Variants in CTNNA2 observed in about 807,000 individuals in gnomAD.
CTNNA2 encodes the protein catenin alpha 2.
A neutral mutation model predicts 101.0 loss-of-function variants in CTNNA2; 42 were observed. The observed-to-expected ratio is 0.42, with a 90% CI of 0.32 to 0.54. CTNNA2 has a LOEUF of 0.54. Ranked by LOEUF, CTNNA2 falls within the 20% of genes least tolerant of loss-of-function variation. CTNNA2 has a pLI of 0.14. For missense variants in CTNNA2, 871 were observed against 1,223.1 expected, an observed-to-expected ratio of 0.71 and a Z score of 4.29; for synonymous variants, 450 against 456.4, an observed-to-expected ratio of 0.99 and a Z score of 0.18.
intron 2 of CTNNA2, among the ~76,000 whole-genome samples, chr2:79,710,362 C>T (rs1685661433): frequency 6.6e-6 from 1 of 152,158 alleles, no homozygotes; most frequent in Non-Finnish European, 1.5e-5. Context: ...TATGCTTACA[C>T]TGAATTAGTG....
At chr2:80,282,987 A>C (rs1674502036) in intron 7 of CTNNA2, among the ~76,000 whole-genome samples, 1 of 152,166 alleles carries the variant, frequency 6.6e-6, no homozygotes, top group Non-Finnish European at 1.5e-5. Flanking sequence ...AAGGAATGAC[A>C]AGTTGCAATT....
intron 1 of CTNNA2, among the ~76,000 whole-genome samples, chr2:79,644,777 C>A (rs931883709): frequency 6.6e-6 from 1 of 152,150 alleles, no homozygotes; most frequent in Non-Finnish European, 1.5e-5. Context: ...TCCTTTATAT[C>A]TCTCTCTTGC....
At position 79,860,905 on chromosome 2, in the gene CTNNA2, C is replaced by T. The variant is rs138779662; in HGVS notation, c.465+2726C>T. Among the ~76,000 whole-genome samples, 493 of 152,294 alleles carry T rather than the reference C, an allele frequency of 3.2e-3. 4 individuals are homozygous for T. Among genetic ancestry groups the T allele is most frequent in the African/African-American group, 0.011 (467 of 41,552 alleles). On this transcript the variant is annotated intron_variant, in intron 4 of 18. Coordinates refer to ENST00000402739, the MANE Select transcript of CTNNA2 (RefSeq NM_001282597.3). ...TCTTTTGCGCAGAAGCATATCTTCTCAGGACGGATAAAGTAACGTATTGTC... is the reference window on the plus strand; with the variant it reads ...TCTTTTGCGCAGAAGCATATCTTCTTAGGACGGATAAAGTAACGTATTGTC...
At chr2:80,057,845 A>G (rs1697328110) in intron 7 of CTNNA2, among the ~76,000 whole-genome samples, 1 of 152,234 alleles carries the variant, frequency 6.6e-6, no homozygotes, top group Admixed American at 6.5e-5. Context: ...GCAACAAGCC[A>G]CAAAATGGAA....
At chr2:80,348,153 A>G (rs1573795678) in intron 7 of CTNNA2, among the ~76,000 whole-genome samples, 1 of 152,294 alleles carries the variant, frequency 6.6e-6, no homozygotes, top group South Asian at 2.1e-4. Context: ...CTGGCATTCT[A>G]CCAGCCACAA....
chr2:80,196,670 G>A (rs1359876128), intron 7 of CTNNA2, among the ~76,000 whole-genome samples: 1 of 152,130 alleles, frequency 6.6e-6, no homozygotes, highest in Non-Finnish European at 1.5e-5. Flanking sequence ...AATGGCCAAT[G>A]ATTACTTCTT....
At chr2:79,661,857 T>C (rs57475482) in intron 2 of CTNNA2, among the ~76,000 whole-genome samples, 5,413 of 151,704 alleles carry the variant, frequency 0.036, 317 homozygotes, top group African/African-American at 0.12. Flanking sequence ...TCTTACAGAT[T>C]AAAAAAAAGA....
intron 7 of CTNNA2, among the ~76,000 whole-genome samples, chr2:79,931,108 C>A (rs923722332): frequency 6.6e-6 from 1 of 152,084 alleles, no homozygotes; most frequent in Non-Finnish European, 1.5e-5. Context: ...CTTCAGTATG[C>A]AGAATTTCAA....
chr2:79,989,913 C>T (rs1325450615), intron 7 of CTNNA2, among the ~76,000 whole-genome samples: 1 of 152,136 alleles, frequency 6.6e-6, no homozygotes, highest in East Asian at 1.9e-4. Context: ...TCTGCCTTTG[C>T]TGAAATATAA....
At chr2:79,455,563 C>T (rs1670812746) in intron 4 of CTNNA2, among the ~76,000 whole-genome samples, 1 of 152,120 alleles carries the variant, frequency 6.6e-6, no homozygotes, top group Non-Finnish European at 1.5e-5. Flanking sequence ...ACTCCACTCT[C>T]CCTTGTTGTT....
chr2:80,489,806 T>C (rs1283925103), intron 9 of CTNNA2, among the ~76,000 whole-genome samples: 1 of 152,192 alleles, frequency 6.6e-6, no homozygotes, highest in Non-Finnish European at 1.5e-5. Flanking sequence ...GACATGCTGA[T>C]TGTGGAAAGA....
intron 5 of CTNNA2, among the ~76,000 whole-genome samples, chr2:79,872,989 A>G (rs1682707391): frequency 6.6e-6 from 1 of 152,218 alleles, no homozygotes; most frequent in Non-Finnish European, 1.5e-5. Flanking sequence ...CCCTAGTGGT[A>G]TTATTTTGTC....
At chr2:80,403,740 G>T (rs1010478821) in intron 8 of CTNNA2, among the ~76,000 whole-genome samples, 1 of 152,104 alleles carries the variant, frequency 6.6e-6, no homozygotes, top group Non-Finnish European at 1.5e-5. Flanking sequence ...TTGGCTGTGG[G>T]TTTGTCATAA....
chr2:79,686,098 C>G (rs971476655), intron 2 of CTNNA2, among the ~76,000 whole-genome samples: 4 of 152,062 alleles, frequency 2.6e-5, no homozygotes, highest in African/African-American at 9.6e-5. Flanking sequence ...TAAGGCTGAG[C>G]ATAGAGTGAT....
chr2:79,990,898 C>T (rs761039663), intron 7 of CTNNA2, among the ~76,000 whole-genome samples: 8 of 152,064 alleles, frequency 5.3e-5, no homozygotes, highest in Admixed American at 1.3e-4. Flanking sequence ...GCTGTGAGTC[C>T]GTCTGGTCCT....
chr2:80,533,983 A>T (rs189946936), intron 9 of CTNNA2, among the ~76,000 whole-genome samples: 1 of 152,264 alleles, frequency 6.6e-6, no homozygotes, highest in East Asian at 1.9e-4. Context: ...GTTTTTATAT[A>T]TGAAGGGCAT....
At chr2:79,478,558 C>G (rs544376541) in intron 4 of CTNNA2, among the ~76,000 whole-genome samples, 1 of 152,252 alleles carries the variant, frequency 6.6e-6, no homozygotes, top group African/African-American at 2.4e-5. Context: ...GGGGTCATTT[C>G]TTATGGCAGC....
intron 1 of CTNNA2, among the ~76,000 whole-genome samples, chr2:79,543,733 G>GA (rs1219061493): frequency 6.6e-6 from 1 of 152,028 alleles, no homozygotes; most frequent in African/African-American, 2.4e-5. Flanking sequence ...GAACTACCTG[G>GA]AAATAAAACA....
intron 7 of CTNNA2, among the ~76,000 whole-genome samples, chr2:80,112,691 C>T (rs1215953037): frequency 2.0e-5 from 3 of 152,134 alleles, no homozygotes; most frequent in Admixed American, 6.5e-5. Context: ...TAAGTATCCC[C>T]AGCAAAATTT....
Sources: gnomAD v4.1 joint callset for allele counts (sites outside exome capture counted in the v4.1 genomes callset) on GRCh38, gnomAD v4.1.1 for gene constraint, MANE v1.5 for transcripts, NCBI Gene and HGNC (gene_info 2026-07-23, HGNC 2026-07-21) for gene names.